The following AFF1 variants were observed in gnomAD, a reference collection of about 807,000 sequenced individuals.
AFF1 encodes AF4/FMR2 family member 1.
Under a neutral mutation model 121.7 loss-of-function variants are expected in AFF1, and 48 were observed. That is an observed-to-expected ratio of 0.39 (90% CI 0.31 to 0.50). The LOEUF (loss-of-function observed/expected upper bound fraction) is 0.50, where lower values mean the gene tolerates loss of function less well. AFF1 is among the 20% of genes least tolerant of loss of function. The pLI is 0.76. For missense variants in AFF1, 1,523 were observed against 1,511.7 expected, an observed-to-expected ratio of 1.01 and a Z score of -0.12; for synonymous variants, 613 against 563.0, an observed-to-expected ratio of 1.09 and a Z score of -1.26.
chr4:87,000,605 C>G (rs13123621), intron 2 of AFF1, among the ~76,000 whole-genome samples: 19,262 of 146,292 alleles, frequency 0.13, 1,712 homozygotes, highest in Middle Eastern at 0.23. Flanking sequence ...AAAATAAACT[C>G]TGTGTGTGTG....
intron 5 of AFF1, among the ~76,000 whole-genome samples, chr4:87,084,709 C>G (rs112511634): frequency 1.5e-4 from 23 of 152,266 alleles, no homozygotes; most frequent in African/African-American, 5.1e-4. Flanking sequence ...AGTCTTGGAA[C>G]GTAATTGAAT....
intron 2 of AFF1, among the ~76,000 whole-genome samples, chr4:86,983,101 T>C (rs1048349622): frequency 2.6e-5 from 4 of 152,038 alleles, no homozygotes; most frequent in Non-Finnish European, 5.9e-5. Context: ...AATAGAATAC[T>C]TTGTCAGGCC....
chr4:87,040,800 C>T (rs2149601363), intron 2 of AFF1, among the ~76,000 whole-genome samples: 1 of 149,200 alleles, frequency 6.7e-6, no homozygotes, highest in Non-Finnish European at 1.5e-5. Flanking sequence ...CTCAAACTCC[C>T]AACCTCAGGC....
At chr4:86,992,508 A>C (rs1724808605) in intron 2 of AFF1, among the ~76,000 whole-genome samples, 1 of 152,178 alleles carries the variant, frequency 6.6e-6, no homozygotes, top group Non-Finnish European at 1.5e-5. Context: ...TCTTTATGTG[A>C]ATTCCCAAGT....
intron 4 of AFF1, among the ~76,000 whole-genome samples, chr4:87,082,676 G>A (rs1046450011): frequency 2.0e-5 from 3 of 152,092 alleles, no homozygotes; most frequent in Admixed American, 2.0e-4. Context: ...CAATCTGCCC[G>A]CCTCGGCCTC....
chr4:87,007,966 G>A (rs1237142634), intron 2 of AFF1, among the ~76,000 whole-genome samples: 1 of 152,158 alleles, frequency 6.6e-6, no homozygotes, highest in African/African-American at 2.4e-5. Context: ...GAACGCGCCG[G>A]GGTGGTGAAG....
rs746452082 is a variant in AFF1 at position 87,127,669 on chromosome 4, A to T, written c.2930A>T (p.Glu977Val). Residue 977 changes from glutamate to valine, a missense_variant, in exon 16 of 21, where the codon GAG (glutamate) becomes GTG (valine). By Grantham distance (121) the Glu-to-Val change is moderately radical. This residue lies in a region of AFF1 where 905 missense variants were observed against 842.5 expected (regional missense o/e 1.07). Transcript: ENST00000395146. ...CAACAAGCAGACCTTCACATGAGGGAGGCAAAAAAGATGAAGCAGAAAGCA... is the reference window on the plus strand; with the variant it reads ...CAACAAGCAGACCTTCACATGAGGGTGGCAAAAAAGATGAAGCAGAAAGCA... ...DKQQADLHMREAKKMKQKAEL... is the reference protein window; with the variant it reads ...DKQQADLHMRVAKKMKQKAEL... 6 of 1,614,064 alleles carry T rather than the reference A, an allele frequency of 3.7e-6. No individual in the cohort carries two copies. The highest frequency in any genetic ancestry group is 5.1e-6 in the Non-Finnish European group (6 of 1,180,024).
intron 4 of AFF1, among the ~76,000 whole-genome samples, chr4:87,082,156 T>C (rs1723241909): frequency 6.6e-6 from 1 of 152,192 alleles, no homozygotes; most frequent in Non-Finnish European, 1.5e-5. Context: ...ATGAGGGGAA[T>C]ATTTTTTCCA....
intron 2 of AFF1, among the ~76,000 whole-genome samples, chr4:87,042,562 C>CT (rs1282019054): frequency 6.6e-6 from 1 of 152,196 alleles, no homozygotes; most frequent in Admixed American, 6.5e-5. Context: ...TCCATGATGT[C>CT]TTTTTTCACC....
chr4:86,957,752 G>A (rs1370920230), intron 2 of AFF1, among the ~76,000 whole-genome samples: 9 of 151,986 alleles, frequency 5.9e-5, no homozygotes, highest in African/African-American at 2.2e-4. Flanking sequence ...ATGTTGGCCA[G>A]GCTGGTCTCA....
chr4:87,103,757 A>G (rs168204), intron 8 of AFF1, among the ~76,000 whole-genome samples: 27,701 of 152,238 alleles, frequency 0.18, 2,730 homozygotes, highest in Middle Eastern at 0.32. Flanking sequence ...AGAGAAAGTT[A>G]CAGAATTTTT....
chr4:87,122,395 C>T (rs1190143013), intron 12 of AFF1, among the ~76,000 whole-genome samples: 1 of 152,176 alleles, frequency 6.6e-6, no homozygotes, highest in Non-Finnish European at 1.5e-5. Flanking sequence ...CAAGTGTTAG[C>T]ACTCTGAGTT....
chr4:87,082,253 G>A (rs528334226), intron 4 of AFF1, among the ~76,000 whole-genome samples: 47 of 152,132 alleles, frequency 3.1e-4, no homozygotes, highest in Non-Finnish European at 5.3e-4. Flanking sequence ...AATTGAAATC[G>A]TAGAATAGTA....
At chr4:87,051,085 CAT>C (rs769523834) in intron 4 of AFF1, among the ~76,000 whole-genome samples, 27 of 152,296 alleles carry the variant, frequency 1.8e-4, no homozygotes, top group Non-Finnish European at 2.9e-4. Flanking sequence ...TATACCAAAT[CAT>C]ATACTGAATT....
chr4:87,063,069 A>C (rs1240408443), intron 4 of AFF1, among the ~76,000 whole-genome samples: 2 of 152,146 alleles, frequency 1.3e-5, no homozygotes, highest in African/African-American at 2.4e-5. Flanking sequence ...AATGGTAGAC[A>C]GTTCTTTGTA....
chr4:87,048,336 A>G (rs1360250901), intron 4 of AFF1, among the ~76,000 whole-genome samples: 2 of 152,134 alleles, frequency 1.3e-5, no homozygotes, highest in African/African-American at 4.8e-5. Flanking sequence ...GAAAAAAAAT[A>G]TTTCTTTTTC....
chr4:87,128,175 A>G (rs941041998), intron 16 of AFF1, among the ~76,000 whole-genome samples: 3 of 152,360 alleles, frequency 2.0e-5, no homozygotes, highest in South Asian at 2.1e-4. Context: ...TTACATTCCA[A>G]AATTATCTTA....
At chr4:87,095,743 T>C (rs1019047336) in intron 8 of AFF1, among the ~76,000 whole-genome samples, 2 of 152,194 alleles carry the variant, frequency 1.3e-5, no homozygotes, top group Admixed American at 6.5e-5. Flanking sequence ...AGACTGCATA[T>C]TAAAGATTTT....
intron 2 of AFF1, among the ~76,000 whole-genome samples, chr4:87,019,884 C>CGGTG (rs71660112): frequency 6.4e-4 from 53 of 82,560 alleles, no homozygotes; most frequent in African/African-American, 1.3e-3. Context: ...CTGAAGGGGT[C>CGGTG]GGGGGGGGGC....
Sources: allele counts gnomAD v4.1 joint callset (sites outside exome capture counted in the v4.1 genomes callset), GRCh38; gene constraint gnomAD v4.1.1; regional missense constraint gnomAD v4.1.1; transcripts MANE v1.5; gene names NCBI Gene and HGNC (gene_info 2026-07-23, HGNC 2026-07-21).